Variants in THADA observed in about 807,000 individuals in gnomAD.
The protein encoded by THADA is tRNA (32-2'-O)-methyltransferase regulator THADA.
THADA carries 213 observed loss-of-function variants against 219.8 expected under a neutral mutation model. That is an observed-to-expected ratio of 0.97 (90% CI 0.87 to 1.09). The LOEUF (loss-of-function observed/expected upper bound fraction) is 1.09, where lower values mean the gene tolerates loss of function less well. Among genes scored for constraint, THADA ranks in the 50% least tolerant of loss-of-function variants. The probability of loss-of-function intolerance (pLI) is 0.00; values close to 1 mark genes in which losing one functional copy is unlikely to be tolerated. For synonymous variants in THADA, 1,018 were observed against 828.9 expected (o/e 1.23, Z -3.92); for missense variants, 2,956 against 2,311.3 (o/e 1.28, Z -5.72).
intron 29 of THADA, among the ~76,000 whole-genome samples, chr2:43,381,407 G>A (rs1649703242): frequency 6.6e-6 from 1 of 152,088 alleles, no homozygotes; most frequent in African/African-American, 2.4e-5. Flanking sequence ...AGCCTCAGGA[G>A]GTGAAGCTCA....
intron 26 of THADA, among the ~76,000 whole-genome samples, chr2:43,459,161 T>C (rs1280583973): frequency 6.6e-6 from 1 of 152,204 alleles, no homozygotes; most frequent in Non-Finnish European, 1.5e-5. Context: ...GTCCTTGAGT[T>C]AGCTGACAAG....
chr2:43,515,179 T>TATATATA (rs1691382393), intron 22 of THADA, among the ~76,000 whole-genome samples: 2 of 2,632 alleles, frequency 7.6e-4, no homozygotes, highest in Non-Finnish European at 9.7e-4. Context: ...TATTATATAT[T>TATATATA]ATATATAATA....
Position 43,566,695 on chromosome 2 carries a change from T to C in THADA, c.2311+3A>G, listed in dbSNP as rs1225406824. The C allele has an allele frequency of 1.2e-6, 2 of 1,608,938 alleles. No homozygotes were observed. Among genetic ancestry groups the C allele is most frequent in the South Asian group, 2.2e-5 (2 of 89,404 alleles). Reference sequence around the variant, plus strand: ...ACTTCCCCTAACATTATTAAACACTTACCTTCTGGGACATGAAAAACTTCA... The same window carrying C: ...ACTTCCCCTAACATTATTAAACACTCACCTTCTGGGACATGAAAAACTTCA... On this transcript the variant is annotated splice_donor_region_variant and intron_variant, in intron 15 of 37. Coordinates refer to ENST00000405975, the MANE Select transcript of THADA (RefSeq NM_022065.5).
intron 29 of THADA, among the ~76,000 whole-genome samples, chr2:43,387,771 C>A (rs992848310): frequency 6.6e-6 from 1 of 152,224 alleles, no homozygotes; most frequent in Non-Finnish European, 1.5e-5. Context: ...ACAACGCACA[C>A]ACCCACAACA....
chr2:43,274,356 T>A (rs1329510559), intron 36 of THADA, among the ~76,000 whole-genome samples: 1 of 152,242 alleles, frequency 6.6e-6, no homozygotes, highest in Admixed American at 6.5e-5. Flanking sequence ...AGGGTCTGCC[T>A]GCTTGTTCTG....
intron 21 of THADA, among the ~76,000 whole-genome samples, chr2:43,532,829 C>T (rs1416749790): frequency 1.3e-5 from 2 of 152,198 alleles, no homozygotes; most frequent in African/African-American, 4.8e-5. Flanking sequence ...ACGACATAGG[C>T]ATGGGCAAAG....
chr2:43,446,536 A>G (rs1209765207), intron 26 of THADA, among the ~76,000 whole-genome samples: 4 of 152,192 alleles, frequency 2.6e-5, no homozygotes, highest in Non-Finnish European at 5.9e-5. Flanking sequence ...TGTTGGTTCT[A>G]TCAGCCCCAG....
chr2:43,446,089 G>C (rs1213174757), intron 26 of THADA, among the ~76,000 whole-genome samples: 1 of 152,160 alleles, frequency 6.6e-6, no homozygotes, highest in Non-Finnish European at 1.5e-5. Flanking sequence ...ATGTGTGCAA[G>C]GTCCCATTTG....
At chr2:43,465,157 G>C (rs965849548) in intron 26 of THADA, among the ~76,000 whole-genome samples, 1 of 152,032 alleles carries the variant, frequency 6.6e-6, no homozygotes, top group Non-Finnish European at 1.5e-5. Context: ...CTAAATCTTG[G>C]TTTCTAATTA....
intron 1 of THADA, among the ~76,000 whole-genome samples, chr2:43,593,250 A>C (rs1018400741): frequency 1.3e-5 from 2 of 152,238 alleles, no homozygotes; most frequent in Non-Finnish European, 2.9e-5. Flanking sequence ...AACAGAAATA[A>C]ATACAAAGGG....
At chr2:43,551,411 A>C (rs1696722434) in intron 19 of THADA, among the ~76,000 whole-genome samples, 1 of 152,106 alleles carries the variant, frequency 6.6e-6, no homozygotes, top group African/African-American at 2.4e-5. Context: ...TGAAAATCCA[A>C]AATACAGATG....
intron 14 of THADA, among the ~76,000 whole-genome samples, chr2:43,568,969 T>G (rs1187999527): frequency 6.6e-6 from 1 of 152,128 alleles, no homozygotes; most frequent in East Asian, 1.9e-4. Flanking sequence ...TTTAAAATTT[T>G]TATTTATTAA....
chr2:43,379,006 G>A lies in THADA; in HGVS notation c.4227+18965C>T, dbSNP rs554183066. On this transcript the variant is annotated intron_variant, in intron 29 of 37. Coordinates refer to ENST00000405975, the MANE Select transcript of THADA (RefSeq NM_022065.5). Reference sequence around the variant, plus strand: ...AGTAAGACAGAAATCAAAATCAGAAGAAAGGAGTGGGATGCAAGAAAAAAT... The same window carrying A: ...AGTAAGACAGAAATCAAAATCAGAAAAAAGGAGTGGGATGCAAGAAAAAAT... Among the ~76,000 whole-genome samples, 169 of 152,298 alleles carry A rather than the reference G, an allele frequency of 1.1e-3. 1 individual carries two copies. Among genetic ancestry groups the A allele is most frequent in the African/African-American group, 3.9e-3 (163 of 41,564 alleles).
In THADA at chr2:43,420,485, T is replaced by A. The variant is rs1677570824; in HGVS notation, c.4058+7615A>T. Among the ~76,000 whole-genome samples, 3 of 152,334 alleles carry A rather than the reference T, an allele frequency of 2.0e-5. No homozygotes were observed. In the East Asian group the frequency reaches 5.8e-4, roughly 29 times the overall value. On this transcript the variant is annotated intron_variant, in intron 28 of 37. Transcript: ENST00000405975. ...GGCAGCAATAGGCCATAGATTATCA[T>A]CATTGTCAGAAATTTCACCTAAGAA... is the stretch of plus-strand genomic sequence containing the variant.
chr2:43,377,287 G>C (rs1198599421), intron 29 of THADA, among the ~76,000 whole-genome samples: 1 of 152,148 alleles, frequency 6.6e-6, no homozygotes, highest in African/African-American at 2.4e-5. Context: ...GCCTGGAAGG[G>C]GGATCAACCT....
chr2:43,352,742 A>G (rs149063783), intron 29 of THADA, among the ~76,000 whole-genome samples: 2 of 152,196 alleles, frequency 1.3e-5, no homozygotes, highest in Non-Finnish European at 1.5e-5. Flanking sequence ...CATACTCATT[A>G]TTTCACATAG....
intron 36 of THADA, among the ~76,000 whole-genome samples, chr2:43,267,450 T>C (rs1346913392): frequency 2.6e-5 from 4 of 152,174 alleles, no homozygotes; most frequent in Non-Finnish European, 4.4e-5. Context: ...GAAGTGAAGT[T>C]CCTATCTCCC....
intron 21 of THADA, among the ~76,000 whole-genome samples, chr2:43,539,473 G>C (rs927489068): frequency 6.6e-6 from 1 of 152,198 alleles, no homozygotes; most frequent in African/African-American, 2.4e-5. Context: ...CTAATTTCTT[G>C]ATGACTTTGG....
intron 4 of THADA, among the ~76,000 whole-genome samples, chr2:43,587,508 T>G (rs1285545838): frequency 6.6e-6 from 1 of 152,218 alleles, no homozygotes; most frequent in Non-Finnish European, 1.5e-5. Flanking sequence ...ATACCAGTCT[T>G]TGCTTCTGCT....
Sources: gnomAD v4.1 joint callset for allele counts (sites outside exome capture counted in the v4.1 genomes callset) on GRCh38, gnomAD v4.1.1 for gene constraint, MANE v1.5 for transcripts, NCBI Gene and HGNC (gene_info 2026-07-23, HGNC 2026-07-21) for gene names.